Variants in DDX31 observed in about 807,000 individuals in gnomAD.
DDX31 encodes ATP-dependent DNA helicase DDX31.
A neutral mutation model predicts 91.3 loss-of-function variants in DDX31; 70 were observed. That is an observed-to-expected ratio of 0.77 (90% CI 0.63 to 0.94). The LOEUF is 0.94. Among genes scored for constraint, DDX31 ranks in the 40% least tolerant of loss-of-function variants. The pLI is 0.00. For synonymous variants in DDX31, 362 were observed against 350.6 expected (o/e 1.03, Z -0.36); for missense variants, 902 against 925.0 (o/e 0.98, Z 0.32).
At chr9:132,614,711 T>C (rs533739257) in intron 18 of DDX31, among the ~76,000 whole-genome samples, 45 of 152,302 alleles carry the variant, frequency 3.0e-4, no homozygotes, top group African/African-American at 1.1e-3. Flanking sequence ...TGAGAGCATC[T>C]GTCCCAGGAG....
At chr9:132,633,093 C>A (rs1359047564) in intron 14 of DDX31, among the ~76,000 whole-genome samples, 1 of 152,204 alleles carries the variant, frequency 6.6e-6, no homozygotes, top group Non-Finnish European at 1.5e-5. Flanking sequence ...CAACTATTAC[C>A]CCCATCTGAC....
At chr9:132,609,229 C>A (rs1199898802) in intron 19 of DDX31, among the ~76,000 whole-genome samples, 5 of 152,202 alleles carry the variant, frequency 3.3e-5, no homozygotes, top group African/African-American at 1.2e-4. Flanking sequence ...CCCTGCCGCG[C>A]CAGCCAGACA....
chr9:132,663,142 C>T (rs924438741), intron 1 of DDX31: 1 of 1,277,090 alleles, frequency 7.8e-7, no homozygotes, highest in African/African-American at 1.5e-5. Flanking sequence ...CAACAAAGCA[C>T]ACTGGAGACC....
chr9:132,661,107 C>A, intron 4 of DDX31, 101 bp downstream of exon 4: 1 of 1,001,354 alleles, frequency 1.0e-6, no homozygotes, highest in South Asian at 1.3e-5. Context: ...GCACTGTGTT[C>A]CAACGCCAAG....
At chr9:132,633,679 TA>T (rs1267769694) in intron 14 of DDX31, among the ~76,000 whole-genome samples, 2 of 151,878 alleles carry the variant, frequency 1.3e-5, no homozygotes, top group Non-Finnish European at 2.9e-5. Context: ...CCCCAAAGCT[TA>T]AAAAAACAGT....
At chr9:132,597,020 T>A (rs1445255101) in intron 19 of DDX31, among the ~76,000 whole-genome samples, 1 of 152,008 alleles carries the variant, frequency 6.6e-6, no homozygotes, top group Non-Finnish European at 1.5e-5. Flanking sequence ...AATCAAGACA[T>A]ATAAGGGGGT....
At chr9:132,603,764 G>A (rs1830852650) in intron 19 of DDX31, among the ~76,000 whole-genome samples, 1 of 152,162 alleles carries the variant, frequency 6.6e-6, no homozygotes, top group Admixed American at 6.5e-5. Flanking sequence ...GAGGCTGGCT[G>A]GGTTCCTGTT....
At chr9:132,654,261 G>C (rs1489915162) in intron 6 of DDX31, among the ~76,000 whole-genome samples, 1 of 152,094 alleles carries the variant, frequency 6.6e-6, no homozygotes, top group Non-Finnish European at 1.5e-5. Flanking sequence ...CTGAGAGAAA[G>C]AGCTAATTTC....
intron 19 of DDX31, 50 bp downstream of exon 19, chr9:132,612,037 G>A (rs764266174): frequency 1.9e-6 from 3 of 1,580,178 alleles, no homozygotes; most frequent in East Asian, 2.3e-5. Flanking sequence ...ATCACATCAT[G>A]TGAACGGAGC....
intron 19 of DDX31, among the ~76,000 whole-genome samples, chr9:132,601,442 T>A (rs1830715894): frequency 6.6e-6 from 1 of 152,150 alleles, no homozygotes; most frequent in South Asian, 2.1e-4. Context: ...CATGGGCAGT[T>A]TCCTCCTCTG....
At chr9:132,645,433 T>C (rs1398075105) in intron 13 of DDX31, among the ~76,000 whole-genome samples, 1 of 152,166 alleles carries the variant, frequency 6.6e-6, no homozygotes, top group Non-Finnish European at 1.5e-5. Flanking sequence ...TTGTTGACAA[T>C]GACAGCAGCC....
chr9:132,669,667 C>T, intron 1 of DDX31, 193 bp downstream of exon 1: 1 of 1,532,982 alleles, frequency 6.5e-7, no homozygotes, highest in Non-Finnish European at 8.7e-7. Flanking sequence ...CGCTTCCAGG[C>T]GCATCCCTGC....
intron 14 of DDX31, among the ~76,000 whole-genome samples, chr9:132,634,598 T>TG (rs1199867887): frequency 6.8e-6 from 1 of 147,976 alleles, no homozygotes; most frequent in East Asian, 1.9e-4. Flanking sequence ...TTTTTTTTTT[T>TG]TTTTTTTTTT....
intron 6 of DDX31, 197 bp downstream of exon 6, chr9:132,658,474 C>A: frequency 1.5e-6 from 1 of 675,714 alleles, no homozygotes. Context: ...CTTACTATGA[C>A]AATTGTGAAG....
chr9:132,638,224 A>G (rs747078988), intron 14 of DDX31: 7 of 1,553,686 alleles, frequency 4.5e-6, no homozygotes, highest in Non-Finnish European at 6.1e-6. Context: ...GACCAACAGA[A>G]AACCTAATGT....
chr9:132,645,640 G>A (rs1401517616), intron 13 of DDX31, among the ~76,000 whole-genome samples: 3 of 152,118 alleles, frequency 2.0e-5, no homozygotes, highest in South Asian at 2.1e-4. Flanking sequence ...GAGCTCTCTC[G>A]GGTGGAAGAG....
chr9:132,659,510 AT>A (rs1479376500), intron 5 of DDX31, among the ~76,000 whole-genome samples, 199 bp downstream of exon 5: 2 of 152,120 alleles, frequency 1.3e-5, no homozygotes, highest in Non-Finnish European at 2.9e-5. Flanking sequence ...CTTCCTAATC[AT>A]TTCTCATCGT....
chr9:132,631,487 G>C (rs1047174430), intron 15 of DDX31, among the ~76,000 whole-genome samples: 1 of 152,128 alleles, frequency 6.6e-6, no homozygotes, highest in South Asian at 2.1e-4. Flanking sequence ...CGTCAACAGG[G>C]CATGTCCCCC....
Position 132,630,246 on chromosome 9 carries a change from T to C in DDX31, c.1631+18A>G. 1.3e-6 allele frequency: 2 copies of C among 1,565,204 alleles called. No individual in the cohort carries two copies. Among genetic ancestry groups the C allele is most frequent in the Non-Finnish European group, 1.7e-6 (2 of 1,144,272 alleles). ...TTAGGTGAGACCAGCCGAAACCCCATTCAGGTTTCTGACTCACTTGATTTT... is the reference window on the plus strand; with the variant it reads ...TTAGGTGAGACCAGCCGAAACCCCACTCAGGTTTCTGACTCACTTGATTTT... On this transcript the variant is annotated intron_variant, in intron 16 of 19. Coordinates refer to ENST00000372159, the MANE Select transcript of DDX31 (RefSeq NM_022779.9).
Sources: allele counts gnomAD v4.1 joint callset (sites outside exome capture counted in the v4.1 genomes callset), GRCh38; gene constraint gnomAD v4.1.1; transcripts MANE v1.5; gene names NCBI Gene and HGNC (gene_info 2026-07-23, HGNC 2026-07-21).